The following SEMA5A variants were observed in gnomAD, a reference collection of about 807,000 sequenced individuals.
The protein encoded by SEMA5A is semaphorin-5A.
A neutral mutation model predicts 135.5 loss-of-function variants in SEMA5A; 55 were observed. The ratio of observed to expected loss-of-function variants is 0.41; its 90% confidence interval spans 0.33 to 0.51. SEMA5A has a LOEUF of 0.51. Ranked by LOEUF, SEMA5A falls within the 20% of genes least tolerant of loss-of-function variation. SEMA5A has a pLI of 0.37. For missense variants in SEMA5A, 1,290 were observed against 1,419.9 expected, an observed-to-expected ratio of 0.91 and a Z score of 1.47; for synonymous variants, 580 against 546.5, an observed-to-expected ratio of 1.06 and a Z score of -0.85.
chr5:9,220,132 C>T (rs1479853323), intron 8 of SEMA5A, among the ~76,000 whole-genome samples: 1 of 152,136 alleles, frequency 6.6e-6, no homozygotes, highest in Non-Finnish European at 1.5e-5. Flanking sequence ...TGTGTTCTTA[C>T]TTGTAAGTGG....
At chr5:9,132,207 G>A (rs534813284) in intron 13 of SEMA5A, among the ~76,000 whole-genome samples, 1 of 152,170 alleles carries the variant, frequency 6.6e-6, no homozygotes, top group Non-Finnish European at 1.5e-5. Context: ...TCTTCTTTAA[G>A]TCCCTAATTC....
rs1267853740 is a variant in SEMA5A, at chr5:9,400,498, TAC to T, written c.-77-20477_-77-20476del. On this transcript the variant is annotated intron_variant, in intron 2 of 22. Transcript: ENST00000382496. ...CTTCTTCAATAGTTTGAACACAATGTACATTTTTTTTTTTTTTTTTTTTTTTG... is the reference window on the plus strand; with the variant it reads ...CTTCTTCAATAGTTTGAACACAATGTATTTTTTTTTTTTTTTTTTTTTTTG... 2.0e-4 allele frequency among the ~76,000 whole-genome samples: 20 copies of T among 101,882 alleles called. 1 individual carries two copies. The highest frequency in any genetic ancestry group is 1.8e-3 in the Admixed American group (16 of 8,720). 66.8% of individuals were successfully genotyped at this position (101,882 alleles called of 152,430 possible). A position where few individuals can be genotyped will look rare whatever the true frequency, so the allele number is the denominator to read the frequency against.
At chr5:9,230,184 G>C (rs1747551783) in intron 6 of SEMA5A, among the ~76,000 whole-genome samples, 8 of 113,118 alleles carry the variant, frequency 7.1e-5, no homozygotes, top group Non-Finnish European at 1.7e-5. Flanking sequence ...TTTTTTTGTA[G>C]GGTCAAGGAC....
In SEMA5A at chr5:9,041,111, C is replaced by G. The variant is rs369224673; in HGVS notation, c.*1786G>C. The G allele has an allele frequency of 9.2e-5, 14 of 152,338 alleles. No homozygotes were observed. In the East Asian group the frequency reaches 2.3e-3, roughly 25 times the overall value. 9.4% of individuals were successfully genotyped at this position (152,338 alleles called of 1,614,324 possible). On this transcript the variant is annotated 3_prime_UTR_variant, in exon 23 of 23. Transcript: ENST00000382496. The stretch of plus-strand genomic sequence containing the variant: ...AATGTCATTAATCCAAAATAACTTA[C>G]AGAGCCCACCTGCCATTTCAATACT...
chr5:9,172,997 A>C (rs564976902), intron 11 of SEMA5A, among the ~76,000 whole-genome samples: 3 of 152,316 alleles, frequency 2.0e-5, no homozygotes, highest in Admixed American at 2.0e-4. Flanking sequence ...CAAAATCCAG[A>C]ATCTGGTGAT....
At chr5:9,184,323 G>T (rs527557084) in intron 11 of SEMA5A, among the ~76,000 whole-genome samples, 1 of 151,594 alleles carries the variant, frequency 6.6e-6, no homozygotes, top group African/African-American at 2.4e-5. Context: ...AACTTACCTG[G>T]CTAGTGTTCC....
chr5:9,179,682 C>T (rs2150323620), intron 11 of SEMA5A, among the ~76,000 whole-genome samples: 1 of 152,270 alleles, frequency 6.6e-6, no homozygotes, highest in East Asian at 1.9e-4. Flanking sequence ...TTGGCATATA[C>T]TAAATTATAT....
At chr5:9,448,976 G>A (rs1027144367) in intron 1 of SEMA5A, among the ~76,000 whole-genome samples, 3 of 152,184 alleles carry the variant, frequency 2.0e-5, no homozygotes, top group South Asian at 2.1e-4. Flanking sequence ...TGGTGGGAAC[G>A]TAAATTAATT....
chr5:9,231,031 A>G (rs1163809175), intron 6 of SEMA5A, among the ~76,000 whole-genome samples: 1 of 152,246 alleles, frequency 6.6e-6, no homozygotes, highest in Non-Finnish European at 1.5e-5. Context: ...CATTTAAAAT[A>G]ATAAATGTTT....
At chr5:9,167,805 A>T (rs372371583) in intron 11 of SEMA5A, among the ~76,000 whole-genome samples, 2 of 152,142 alleles carry the variant, frequency 1.3e-5, no homozygotes, top group East Asian at 3.9e-4. Context: ...CCTTGGTGTG[A>T]TATGCTGAGC....
At chr5:9,209,204 T>C (rs547916258) in intron 8 of SEMA5A, among the ~76,000 whole-genome samples, 1 of 152,336 alleles carries the variant, frequency 6.6e-6, no homozygotes, top group Admixed American at 6.5e-5. Context: ...ATTAACTGGA[T>C]ATGTGTCTAA....
chr5:9,110,775 CT>C (rs2150160542), intron 15 of SEMA5A, among the ~76,000 whole-genome samples: 1 of 152,280 alleles, frequency 6.6e-6, no homozygotes, highest in South Asian at 2.1e-4. Context: ...TCTTCCTCAT[CT>C]TTTCCACATT....
At chr5:9,477,061 A>T (rs1422640684) in intron 1 of SEMA5A, among the ~76,000 whole-genome samples, 3 of 152,086 alleles carry the variant, frequency 2.0e-5, no homozygotes, top group Admixed American at 2.0e-4. Flanking sequence ...CAGTTTCCCC[A>T]TGCTGTTCTC....
chr5:9,452,865 C>T (rs1373322182), intron 1 of SEMA5A, among the ~76,000 whole-genome samples: 3 of 152,062 alleles, frequency 2.0e-5, no homozygotes, highest in African/African-American at 4.8e-5. Context: ...GCAAAAAGCT[C>T]GTTTTAAGGC....
chr5:9,454,580 T>G (rs1390633005), intron 1 of SEMA5A, among the ~76,000 whole-genome samples: 1 of 152,226 alleles, frequency 6.6e-6, no homozygotes, highest in Non-Finnish European at 1.5e-5. Context: ...CTTAATTCAA[T>G]TGAATGACTT....
chr5:9,322,525 T>A (rs1433780235), intron 4 of SEMA5A, among the ~76,000 whole-genome samples: 1 of 152,176 alleles, frequency 6.6e-6, no homozygotes, highest in African/African-American at 2.4e-5. Flanking sequence ...TTTGTAGTAT[T>A]TTCTGGGTTG....
intron 5 of SEMA5A, among the ~76,000 whole-genome samples, chr5:9,255,952 G>A (rs1405460946): frequency 6.6e-6 from 1 of 151,896 alleles, no homozygotes; most frequent in Non-Finnish European, 1.5e-5. Context: ...TAGTTGCTCT[G>A]GTCAAAGGTA....
chr5:9,493,940 C>A (rs539135753), intron 1 of SEMA5A, among the ~76,000 whole-genome samples: 4 of 152,112 alleles, frequency 2.6e-5, no homozygotes, highest in Non-Finnish European at 5.9e-5. Flanking sequence ...TGTAAGGTTA[C>A]CATAACTTTA....
intron 5 of SEMA5A, among the ~76,000 whole-genome samples, chr5:9,287,301 C>A (rs1750846155): frequency 1.3e-5 from 2 of 152,120 alleles, no homozygotes; most frequent in African/African-American, 4.8e-5. Flanking sequence ...TTGGTGTCAG[C>A]AAAAGTATCA....
Sources: allele counts gnomAD v4.1 joint callset (sites outside exome capture counted in the v4.1 genomes callset), GRCh38; gene constraint gnomAD v4.1.1; transcripts MANE v1.5; gene names NCBI Gene and HGNC (gene_info 2026-07-23, HGNC 2026-07-21).